Variants in DOCK2 observed in about 807,000 individuals in gnomAD.
The protein encoded by DOCK2 is dedicator of cytokinesis protein 2.
A neutral mutation model predicts 248.9 loss-of-function variants in DOCK2; 87 were observed. The ratio of observed to expected loss-of-function variants is 0.35; its 90% CI spans 0.29 to 0.42. The LOEUF (loss-of-function observed/expected upper bound fraction) is 0.42, where lower values mean the gene tolerates loss of function less well. Ranked by LOEUF, DOCK2 falls within the 10% of genes least tolerant of loss-of-function variation. The pLI is 1.00. For synonymous variants in DOCK2, 805 were observed against 821.6 expected (o/e 0.98, Z 0.35); for missense variants, 1,747 against 2,300.2 (o/e 0.76, Z 4.92).
At chr5:169,704,759 A>ATATGTGTGTGTG (rs1207381620) in intron 14 of DOCK2, among the ~76,000 whole-genome samples, 1 of 139,900 alleles carries the variant, frequency 7.1e-6, no homozygotes, top group Non-Finnish European at 1.5e-5. Context: ...CTCCATATAT[A>ATATGTGTGTGTG]TGTGTGTGTG....
intron 27 of DOCK2, chr5:169,864,430 C>T: frequency 3.2e-6 from 5 of 1,547,078 alleles, no homozygotes; most frequent in Non-Finnish European, 4.4e-6. Flanking sequence ...ATGGAACCTG[C>T]CTTCCTGCTG....
intron 22 of DOCK2, among the ~76,000 whole-genome samples, chr5:169,745,634 G>A (rs1017655311): frequency 5.3e-5 from 8 of 152,172 alleles, no homozygotes; most frequent in Admixed American, 3.3e-4. Context: ...GGCATGTTGC[G>A]TGAGCTTCAT....
chr5:170,047,840 G>C (rs965806698), intron 40 of DOCK2, among the ~76,000 whole-genome samples: 1 of 152,146 alleles, frequency 6.6e-6, no homozygotes, highest in Non-Finnish European at 1.5e-5. Context: ...CAGCTGCCTC[G>C]TGAGGTAGTG....
chr5:169,959,988 C>T (rs947853627), intron 27 of DOCK2, among the ~76,000 whole-genome samples: 4 of 152,136 alleles, frequency 2.6e-5, no homozygotes, highest in South Asian at 2.1e-4. Flanking sequence ...AAATTAAATT[C>T]GACCATGTAA....
At chr5:169,775,471 C>T (rs979541469) in intron 25 of DOCK2, among the ~76,000 whole-genome samples, 1 of 151,838 alleles carries the variant, frequency 6.6e-6, no homozygotes, top group South Asian at 2.1e-4. Flanking sequence ...AAGTGGAGAC[C>T]TGCTGATTTA....
chr5:169,678,577 A>T (rs2113337471), intron 6 of DOCK2, among the ~76,000 whole-genome samples: 1 of 152,256 alleles, frequency 6.6e-6, no homozygotes, highest in Non-Finnish European at 1.5e-5. Context: ...AAAAAGTTTT[A>T]AAATGCATTT....
intron 17 of DOCK2, among the ~76,000 whole-genome samples, 176 bp downstream of exon 17, chr5:169,712,399 G>A (rs1384873071): frequency 1.3e-5 from 2 of 152,152 alleles, no homozygotes; most frequent in Non-Finnish European, 2.9e-5. Flanking sequence ...CCTCATCTTT[G>A]TGCCCTCAGT....
intron 27 of DOCK2, among the ~76,000 whole-genome samples, chr5:169,953,756 C>T (rs1254838799): frequency 1.3e-5 from 2 of 152,164 alleles, no homozygotes; most frequent in African/African-American, 4.8e-5. Flanking sequence ...CCTGCCAGCA[C>T]TTGTTTTCTC....
At chr5:169,843,715 CCT>C (rs1277819792) in intron 27 of DOCK2, among the ~76,000 whole-genome samples, 1 of 152,286 alleles carries the variant, frequency 6.6e-6, no homozygotes, top group East Asian at 1.9e-4. Context: ...TTCTTTCCCT[CCT>C]CTCACCAACC....
intron 40 of DOCK2, among the ~76,000 whole-genome samples, chr5:170,048,368 C>T (rs1756790961): frequency 6.6e-6 from 1 of 152,018 alleles, no homozygotes; most frequent in Non-Finnish European, 1.5e-5. Flanking sequence ...TCCATCCAGC[C>T]TGGGTAACAA....
intron 50 of DOCK2, 125 bp from the exon 51 acceptor site, chr5:170,081,717 G>A: frequency 1.8e-6 from 2 of 1,105,638 alleles, no homozygotes; most frequent in Non-Finnish European, 2.5e-6. Flanking sequence ...CCTCCTGCTT[G>A]GCACATACAA....
chr5:169,744,541 C>G (rs1763498249), intron 22 of DOCK2, among the ~76,000 whole-genome samples: 1 of 152,138 alleles, frequency 6.6e-6, no homozygotes, highest in South Asian at 2.1e-4. Context: ...TGCAACAAAA[C>G]CAGCCAGGGC....
intron 25 of DOCK2, among the ~76,000 whole-genome samples, chr5:169,766,242 G>A (rs1273287341): frequency 6.6e-6 from 1 of 151,838 alleles, no homozygotes; most frequent in Non-Finnish European, 1.5e-5. Flanking sequence ...CCTCAAGCAG[G>A]CCCCAGTGTC....
intron 6 of DOCK2, among the ~76,000 whole-genome samples, chr5:169,681,163 A>G (rs981881673): frequency 8.4e-6 from 1 of 119,212 alleles, no homozygotes; most frequent in Non-Finnish European, 1.6e-5. Context: ...TCGCTCTGTC[A>G]CCGAGGCTGG....
chr5:169,838,483 C>T (rs1769730950), intron 26 of DOCK2, among the ~76,000 whole-genome samples: 1 of 152,096 alleles, frequency 6.6e-6, no homozygotes, highest in Non-Finnish European at 1.5e-5. Context: ...GTTGCTATAA[C>T]CATGAACATC....
At chr5:170,005,015 T>C (rs925918378) in intron 30 of DOCK2, among the ~76,000 whole-genome samples, 2 of 149,240 alleles carry the variant, frequency 1.3e-5, no homozygotes, top group Non-Finnish European at 3.0e-5. Context: ...TATGTATACA[T>C]ATGTAACTAA....
intron 40 of DOCK2, among the ~76,000 whole-genome samples, chr5:170,048,740 A>G (rs762462399): frequency 2.6e-5 from 4 of 152,216 alleles, no homozygotes; most frequent in Non-Finnish European, 5.9e-5. Flanking sequence ...TGGGAACCTC[A>G]AGTGTCCCTG....
At chr5:169,911,485 C>A (rs1303922741) in intron 27 of DOCK2, among the ~76,000 whole-genome samples, 3 of 152,130 alleles carry the variant, frequency 2.0e-5, no homozygotes, top group African/African-American at 7.2e-5. Flanking sequence ...TTAATGTGGC[C>A]AGTGACATTT....
chr5:170,036,448 C>T, intron 35 of DOCK2, 67 bp from the exon 36 acceptor site: 15 of 1,516,724 alleles, frequency 9.9e-6, no homozygotes, highest in Non-Finnish European at 1.4e-5. Context: ...ATCTTCATCA[C>T]CACACCCTTG....
Sources: gnomAD v4.1 joint callset for allele counts (sites outside exome capture counted in the v4.1 genomes callset) on GRCh38, gnomAD v4.1.1 for gene constraint, MANE v1.5 for transcripts, NCBI Gene and HGNC (gene_info 2026-07-23, HGNC 2026-07-21) for gene names.